The following GALNTL6 variants were observed in gnomAD, a reference collection of about 807,000 sequenced individuals.
GALNTL6 encodes the protein polypeptide N-acetylgalactosaminyltransferase-like 6.
GALNTL6 carries 46 observed loss-of-function variants against 73.7 expected under a neutral mutation model. The ratio of observed to expected loss-of-function variants is 0.62; its 90% CI spans 0.49 to 0.80. The LOEUF is 0.80. GALNTL6 is among the 30% of genes least tolerant of loss of function. GALNTL6 has a pLI of 0.00. For missense variants in GALNTL6, 604 were observed against 755.0 expected, an observed-to-expected ratio of 0.80 and a Z score of 2.34; for synonymous variants, 259 against 263.7, an observed-to-expected ratio of 0.98 and a Z score of 0.17.
At chr4:172,855,415 A>C (rs2111120737) in intron 7 of GALNTL6, among the ~76,000 whole-genome samples, 1 of 152,320 alleles carries the variant, frequency 6.6e-6, no homozygotes, top group South Asian at 2.1e-4. Flanking sequence ...AATTAATTTA[A>C]GTTTAAAGAA....
intron 4 of GALNTL6, among the ~76,000 whole-genome samples, chr4:172,319,290 A>G (rs1015137932): frequency 6.6e-6 from 1 of 152,236 alleles, no homozygotes; most frequent in African/African-American, 2.4e-5. Flanking sequence ...CGGCCAAAGG[A>G]TAATCTGTAA....
intron 5 of GALNTL6, among the ~76,000 whole-genome samples, chr4:172,472,755 G>A (rs1001778130): frequency 2.0e-5 from 3 of 152,128 alleles, no homozygotes; most frequent in Non-Finnish European, 2.9e-5. Context: ...ACCAAAGAAT[G>A]CCTGGGGCTA....
At chr4:172,692,778 G>A (rs917330945) in intron 5 of GALNTL6, among the ~76,000 whole-genome samples, 10 of 152,084 alleles carry the variant, frequency 6.6e-5, no homozygotes, top group African/African-American at 2.4e-4. Flanking sequence ...TACATCCTGT[G>A]GTGGAAGTTA....
At chr4:172,911,495 C>T (rs1747200777) in intron 8 of GALNTL6, among the ~76,000 whole-genome samples, 1 of 152,104 alleles carries the variant, frequency 6.6e-6, no homozygotes, top group Admixed American at 6.6e-5. Context: ...ATCACATGCC[C>T]CCAGATACAC....
chr4:172,497,440 G>A (rs1734103083), intron 5 of GALNTL6, among the ~76,000 whole-genome samples: 1 of 152,144 alleles, frequency 6.6e-6, no homozygotes, highest in South Asian at 2.1e-4. Context: ...CCACCCCTGT[G>A]GGAACTGATT....
At chr4:171,891,954 C>G (rs1736774267) in intron 2 of GALNTL6, among the ~76,000 whole-genome samples, 1 of 152,106 alleles carries the variant, frequency 6.6e-6, no homozygotes, top group Admixed American at 6.6e-5. Flanking sequence ...ATTCAAAAAT[C>G]CAAAATCTGA....
At chr4:172,341,267 C>T (rs1052499649) in intron 4 of GALNTL6, among the ~76,000 whole-genome samples, 20 of 150,922 alleles carry the variant, frequency 1.3e-4, no homozygotes, top group Admixed American at 4.0e-4. Context: ...CCGGCTAAAA[C>T]GGTGAAACCC....
chr4:171,991,734 A>G (rs1354504772), intron 2 of GALNTL6, among the ~76,000 whole-genome samples: 11 of 105,288 alleles, frequency 1.0e-4, no homozygotes, highest in Middle Eastern at 9.1e-3. Context: ...GTGTGTGTAT[A>G]TATATATATA....
intron 5 of GALNTL6, among the ~76,000 whole-genome samples, chr4:172,749,415 G>A (rs768079647): frequency 2.0e-5 from 3 of 151,814 alleles, no homozygotes; most frequent in South Asian, 2.1e-4. Flanking sequence ...TCTCAATACC[G>A]TTTGTTTTCA....
chr4:171,832,999 TA>T, intron 2 of GALNTL6, among the ~76,000 whole-genome samples: 2 of 151,948 alleles, frequency 1.3e-5, no homozygotes, highest in South Asian at 4.1e-4. Flanking sequence ...CCTTAAATGC[TA>T]ATTTTAATCA....
At chr4:172,595,760 A>G (rs780835563) in intron 5 of GALNTL6, among the ~76,000 whole-genome samples, 3 of 152,140 alleles carry the variant, frequency 2.0e-5, no homozygotes, top group Non-Finnish European at 2.9e-5. Flanking sequence ...TTAATAGATA[A>G]CATGCTTCTG....
chr4:171,998,635 TTTG>T (rs201813103), intron 2 of GALNTL6, among the ~76,000 whole-genome samples: 4,689 of 152,284 alleles, frequency 0.031, 241 homozygotes, highest in Admixed American at 0.13. Flanking sequence ...CATTTTGTTA[TTTG>T]TTGTTGCAAT....
At chr4:172,705,144 CT>C (rs1387119670) in intron 5 of GALNTL6, among the ~76,000 whole-genome samples, 1 of 151,350 alleles carries the variant, frequency 6.6e-6, no homozygotes, top group Non-Finnish European at 1.5e-5. Flanking sequence ...CACCCTTTAT[CT>C]TTTAATTGGG....
chr4:172,365,153 A>G (rs541476876), intron 5 of GALNTL6, among the ~76,000 whole-genome samples: 4 of 152,156 alleles, frequency 2.6e-5, no homozygotes, highest in Admixed American at 6.5e-5. Flanking sequence ...AAAGACTAAG[A>G]GTATTTAAGG....
chr4:172,615,122 G>A (rs779472870), intron 5 of GALNTL6, among the ~76,000 whole-genome samples: 3 of 151,326 alleles, frequency 2.0e-5, no homozygotes, highest in Non-Finnish European at 4.4e-5. Flanking sequence ...TAGCACACCT[G>A]CTGAAACGGT....
At chr4:171,889,872 C>T (rs1736713136) in intron 2 of GALNTL6, among the ~76,000 whole-genome samples, 1 of 152,174 alleles carries the variant, frequency 6.6e-6, no homozygotes, top group African/African-American at 2.4e-5. Flanking sequence ...TTTTCTAAGA[C>T]TCACATACGG....
chr4:172,341,533 C>T (rs570712339), intron 4 of GALNTL6, among the ~76,000 whole-genome samples: 1 of 151,388 alleles, frequency 6.6e-6, no homozygotes, highest in African/African-American at 2.4e-5. Flanking sequence ...CAAATCTCAT[C>T]TTGTAGCTCC....
intron 5 of GALNTL6, among the ~76,000 whole-genome samples, chr4:172,416,911 C>G (rs1397884741): frequency 6.6e-6 from 1 of 151,990 alleles, no homozygotes; most frequent in African/African-American, 2.4e-5. Context: ...GTAATTGTTT[C>G]CTTCAAATTC....
intron 5 of GALNTL6, among the ~76,000 whole-genome samples, chr4:172,628,378 G>T (rs1468292298): frequency 6.6e-6 from 1 of 152,018 alleles, no homozygotes; most frequent in Non-Finnish European, 1.5e-5. Context: ...AAGTCCTACT[G>T]ATGTCTCTTT....
Sources: gnomAD v4.1 joint callset for allele counts (sites outside exome capture counted in the v4.1 genomes callset) on GRCh38, gnomAD v4.1.1 for gene constraint, MANE v1.5 for transcripts, NCBI Gene and HGNC (gene_info 2026-07-23, HGNC 2026-07-21) for gene names.